Variants in GABPB1 observed in about 807,000 individuals in gnomAD.
GABPB1 encodes GA binding protein transcription factor subunit beta 1.
In GABPB1, 15 loss-of-function variants were observed where a neutral mutation model predicts 45.9. The ratio of observed to expected loss-of-function variants is 0.33; its 90% CI spans 0.22 to 0.50. GABPB1 has a LOEUF of 0.50. Ranked by LOEUF, GABPB1 falls within the 20% of genes least tolerant of loss-of-function variation. The probability of loss-of-function intolerance (pLI) is 0.98; values close to 1 mark genes in which losing one functional copy is unlikely to be tolerated. For synonymous variants in GABPB1, 143 were observed against 154.4 expected, an observed-to-expected ratio of 0.93 and a Z score of 0.55; for missense variants, 252 against 457.5, an observed-to-expected ratio of 0.55 and a Z score of 4.10.
At chr15:50,307,230 C>T (rs2046980556) in intron 2 of GABPB1, among the ~76,000 whole-genome samples, 1 of 152,180 alleles carries the variant, frequency 6.6e-6, no homozygotes, top group African/African-American at 2.4e-5. Flanking sequence ...CTTGGTACTG[C>T]TCAACTGTTT....
intron 7 of GABPB1, among the ~76,000 whole-genome samples, chr15:50,288,014 A>G (rs1458357612): frequency 6.6e-6 from 1 of 152,188 alleles, no homozygotes; most frequent in Non-Finnish European, 1.5e-5. Context: ...TTCACTGGCC[A>G]TGAAAGGCAC....
intron 1 of GABPB1, among the ~76,000 whole-genome samples, chr15:50,317,259 G>A (rs890582079): frequency 6.6e-6 from 1 of 151,840 alleles, no homozygotes; most frequent in Admixed American, 6.6e-5. Flanking sequence ...AAAAGAATTA[G>A]CTGGGTGTGG....
At position 50,300,501 on chromosome 15, in the gene GABPB1, G is replaced by A. The variant is rs540457264; in HGVS notation, c.697+288C>T. On this transcript the variant is annotated intron_variant, in intron 6 of 8. Transcript: ENST00000380877. ...TCTATCACCCAGGCTGGAGTGCAGTGGCACAAACTCAGCTCACTGCAGCCT... is the reference window on the plus strand; with the variant it reads ...TCTATCACCCAGGCTGGAGTGCAGTAGCACAAACTCAGCTCACTGCAGCCT... Among the ~76,000 whole-genome samples the A allele has an allele frequency of 2.2e-5, 3 of 136,262 alleles. No homozygotes were observed. The South Asian group carries it at 7.1e-4, about 32-fold the overall frequency. 89.4% of individuals were successfully genotyped at this position (136,262 alleles called of 152,430 possible).
chr15:50,342,336 T>A (rs2048404003), intron 1 of GABPB1, among the ~76,000 whole-genome samples: 1 of 150,690 alleles, frequency 6.6e-6, no homozygotes, highest in Non-Finnish European at 1.5e-5. Context: ...TTTTTTTTTT[T>A]AACCCTTATA....
intron 1 of GABPB1, among the ~76,000 whole-genome samples, chr15:50,329,678 T>A (rs181299336): frequency 2.6e-4 from 40 of 152,280 alleles, no homozygotes; most frequent in African/African-American, 3.4e-4. Flanking sequence ...TTTAAAAAAA[T>A]TTACTATAAT....
chr15:50,307,526 C>G (rs902236901), intron 2 of GABPB1, among the ~76,000 whole-genome samples: 3 of 151,924 alleles, frequency 2.0e-5, no homozygotes, highest in Non-Finnish European at 4.4e-5. Flanking sequence ...CATATTGAAA[C>G]CCCATCTCTA....
At chr15:50,337,067 A>ATGTGTG (rs71900822) in intron 1 of GABPB1, among the ~76,000 whole-genome samples, 6 of 118,120 alleles carry the variant, frequency 5.1e-5, no homozygotes, top group Non-Finnish European at 8.9e-5. Flanking sequence ...TTACATGTAT[A>ATGTGTG]TGTGTGTGTA....
At chr15:50,317,515 T>C (rs2047382335) in intron 1 of GABPB1, among the ~76,000 whole-genome samples, 1 of 152,046 alleles carries the variant, frequency 6.6e-6, no homozygotes, top group South Asian at 2.1e-4. Context: ...AATTTTTTTA[T>C]AGCAAGCATA....
intron 1 of GABPB1, among the ~76,000 whole-genome samples, chr15:50,345,958 G>A (rs1488887877): frequency 3.9e-5 from 6 of 152,058 alleles, no homozygotes; most frequent in East Asian, 1.9e-4. Flanking sequence ...TGATCCACCC[G>A]CCCTGGCCTC....
intron 1 of GABPB1, among the ~76,000 whole-genome samples, chr15:50,329,286 A>G (rs552632784): frequency 6.6e-6 from 1 of 152,348 alleles, no homozygotes; most frequent in African/African-American, 2.4e-5. Flanking sequence ...ACAAATTTAT[A>G]TGGATTGAAT....
intron 8 of GABPB1, 52 bp downstream of exon 8, chr15:50,286,016 G>T: frequency 6.3e-7 from 1 of 1,582,754 alleles, no homozygotes; most frequent in Non-Finnish European, 8.6e-7. Flanking sequence ...AAAAAAAATT[G>T]AATTTATTTT....
At chr15:50,298,718 C>T (rs1372569132) in intron 6 of GABPB1, among the ~76,000 whole-genome samples, 1 of 151,998 alleles carries the variant, frequency 6.6e-6, no homozygotes, top group African/African-American at 2.4e-5. Flanking sequence ...CTTGGGAGGC[C>T]GAGGAAGGCA....
intron 1 of GABPB1, among the ~76,000 whole-genome samples, chr15:50,341,947 A>G (rs2048389709): frequency 6.6e-6 from 1 of 152,192 alleles, no homozygotes; most frequent in Non-Finnish European, 1.5e-5. Flanking sequence ...ACCTTTAAGG[A>G]TATGACCTGT....
At chr15:50,306,262 C>T (rs1342755039) in intron 2 of GABPB1, among the ~76,000 whole-genome samples, 1 of 152,146 alleles carries the variant, frequency 6.6e-6, no homozygotes, top group African/African-American at 2.4e-5. Flanking sequence ...AGCCACTGTG[C>T]TCAGCCAATA....
At chr15:50,324,038 C>CA (rs1167335422) in intron 1 of GABPB1, among the ~76,000 whole-genome samples, 1 of 151,958 alleles carries the variant, frequency 6.6e-6, no homozygotes, top group Non-Finnish European at 1.5e-5. Context: ...TCTATCTCTA[C>CA]AAAAAATACA....
At chr15:50,331,408 T>C (rs909533999) in intron 1 of GABPB1, among the ~76,000 whole-genome samples, 5 of 152,224 alleles carry the variant, frequency 3.3e-5, no homozygotes, top group African/African-American at 1.2e-4. Context: ...CAGAGATTAT[T>C]TGACTACTTA....
intron 1 of GABPB1, among the ~76,000 whole-genome samples, chr15:50,333,855 C>T (rs1307406729): frequency 6.6e-6 from 1 of 151,756 alleles, no homozygotes; most frequent in Non-Finnish European, 1.5e-5. Context: ...ATAGTAAAAC[C>T]CCATCTCTAC....
chr15:50,299,882 T>A (rs2046666089), intron 6 of GABPB1, among the ~76,000 whole-genome samples: 1 of 151,974 alleles, frequency 6.6e-6, no homozygotes, highest in African/African-American at 2.4e-5. Flanking sequence ...AGTGGCATGA[T>A]CTTGGCTCAT....
chr15:50,282,033 C>CA (rs982823324), intron 8 of GABPB1, among the ~76,000 whole-genome samples: 2 of 151,808 alleles, frequency 1.3e-5, no homozygotes, highest in African/African-American at 4.8e-5. Flanking sequence ...CTTATCTCTA[C>CA]AAAAAAATAC....
Sources: gnomAD v4.1 joint callset for allele counts (sites outside exome capture counted in the v4.1 genomes callset) on GRCh38, gnomAD v4.1.1 for gene constraint, MANE v1.5 for transcripts, NCBI Gene and HGNC (gene_info 2026-07-23, HGNC 2026-07-21) for gene names.